The following GRK1 variants were observed in gnomAD, a reference collection of about 807,000 sequenced individuals.
GRK1 encodes G protein-coupled receptor kinase 1.
Under a neutral mutation model 41.7 loss-of-function variants are expected in GRK1, and 28 were observed. That is an observed-to-expected ratio of 0.67 (90% confidence interval 0.50 to 0.92). The LOEUF (loss-of-function observed/expected upper bound fraction) is 0.92. Among genes scored for constraint, GRK1 ranks in the 40% least tolerant of loss-of-function variants. GRK1 has a pLI of 0.00. For missense variants in GRK1, 703 were observed against 671.2 expected (o/e 1.05, Z -0.52); for synonymous variants, 327 against 286.7 (o/e 1.14, Z -1.42).
In GRK1 at chr13:113,733,153, C is replaced by T. The variant is rs561604822; in HGVS notation, c.1396+68C>T. On this transcript the variant is annotated intron_variant, in intron 6 of 6. Coordinates refer to ENST00000335678, the MANE Select transcript of GRK1 (RefSeq NM_002929.3). ...GCTGTGTGGCCCTTGGGTGTCCGCCCGGTCCAGCCTGTGAGAGTCGGCAGG... is the reference window on the plus strand; with the variant it reads ...GCTGTGTGGCCCTTGGGTGTCCGCCTGGTCCAGCCTGTGAGAGTCGGCAGG... 3.5e-5 allele frequency: 51 copies of T among 1,448,804 alleles called. No individual in the cohort carries two copies. The South Asian group carries it at 3.9e-4, about 11-fold the overall frequency. The allele number at this position is 1,448,804 out of a possible 1,614,324, so 89.7% of individuals were successfully genotyped here.
At chr13:113,728,222 G>A (rs868118121) in intron 4 of GRK1, among the ~76,000 whole-genome samples, 2 of 96,756 alleles carry the variant, frequency 2.1e-5, no homozygotes, top group Admixed American at 9.9e-5. Context: ...GCGATGAGGA[G>A]TACCCATGGC....
the GRK1 span, among the ~76,000 whole-genome samples, chr13:113,657,300 G>A: frequency 2.0e-5 from 3 of 152,316 alleles, no homozygotes; most frequent in South Asian, 2.1e-4. Context: ...GCCGCATCCC[G>A]ACGCCCAGGG....
rs765382336 is a variant in GRK1 at position 113,667,527 on chromosome 13, T to C, written c.141T>C (p.Cys47=). The C allele has an allele frequency of 6.2e-7, 1 of 1,613,332 alleles. No individual in the cohort carries two copies. Among genetic ancestry groups the C allele is most frequent in the Non-Finnish European group, 8.5e-7 (1 of 1,179,802 alleles). ...AKLKLPPLSK[C]ESLRDSLSLE... is the part of the protein sequence containing the mutation. The stretch of plus-strand genomic sequence containing the variant: ...TCAAGCTGCCCCCGCTGTCCAAGTG[T>C]GAGTCCCTCCGCGACAGCCTCAGCC... The change falls in exon 1 of 7, where the codon TGT becomes TGC. Residue 47 remains cysteine (C), a synonymous_variant. Transcript: ENST00000335678. The surrounding 1 kb of genome is among the most constrained non-coding windows in gnomAD (Gnocchi z 7.5).
chr13:113,669,300 G>C (rs1307441914), intron 1 of GRK1, among the ~76,000 whole-genome samples: 8 of 152,238 alleles, frequency 5.3e-5, no homozygotes, highest in Admixed American at 5.2e-4. Context: ...GAGGGGGTTT[G>C]GGAGGTGCTG....
chr13:113,653,620 C>T, the GRK1 span, among the ~76,000 whole-genome samples: 2 of 152,222 alleles, frequency 1.3e-5, no homozygotes, highest in Admixed American at 6.5e-5. Flanking sequence ...GCCTGGGTCC[C>T]TGCTGGGAGT....
the GRK1 span, among the ~76,000 whole-genome samples, chr13:113,652,449 G>A: frequency 6.6e-6 from 1 of 152,200 alleles, no homozygotes; most frequent in Non-Finnish European, 1.5e-5. Context: ...GCTCGAGCCT[G>A]GCTCAGGGAT....
At chr13:113,659,226 C>T in the GRK1 span, among the ~76,000 whole-genome samples, 4 of 152,230 alleles carry the variant, frequency 2.6e-5, no homozygotes, top group Non-Finnish European at 5.9e-5. Flanking sequence ...AGACAGGGGT[C>T]CTGGATGGCA....
intron 6 of GRK1, among the ~76,000 whole-genome samples, chr13:113,734,171 C>G (rs2049985185): frequency 7.3e-6 from 1 of 137,064 alleles, no homozygotes; most frequent in Non-Finnish European, 1.6e-5. Flanking sequence ...TGCAGTGTGA[C>G]TAACTTAGGA....
chr13:113,733,551 G>A (rs566655454), intron 6 of GRK1, among the ~76,000 whole-genome samples: 19,350 of 151,290 alleles, frequency 0.13, 1,363 homozygotes, highest in Middle Eastern at 0.22. Flanking sequence ...GCGTGTGCGC[G>A]CACGTGTGTC....
the GRK1 span, among the ~76,000 whole-genome samples, chr13:113,650,727 C>T: frequency 1.1e-4 from 17 of 152,188 alleles, no homozygotes; most frequent in Admixed American, 1.1e-3. The surrounding 1 kb of genome is among the most constrained non-coding windows in gnomAD (Gnocchi z 5.0). Context: ...GTGACCCCTC[C>T]GTGTGCCTCT....
the GRK1 span, chr13:113,650,323 G>T: frequency 7.6e-7 from 1 of 1,309,966 alleles, no homozygotes; most frequent in Non-Finnish European, 1.1e-6. The surrounding 1 kb of genome is among the most constrained non-coding windows in gnomAD (Gnocchi z 5.0). Flanking sequence ...TTTTCTACAT[G>T]AAGGGGCTTA....
chr13:113,649,304 G>A, the GRK1 span: 5 of 1,518,766 alleles, frequency 3.3e-6, no homozygotes, highest in South Asian at 5.0e-5. The surrounding 1 kb of genome is among the most constrained non-coding windows in gnomAD (Gnocchi z 4.7). Context: ...TGACGGGCAA[G>A]GTAAGCCCAA....
At chr13:113,662,069 A>G in the GRK1 span, among the ~76,000 whole-genome samples, 6 of 152,238 alleles carry the variant, frequency 3.9e-5, no homozygotes, top group Admixed American at 3.3e-4. Context: ...TGCAAAAACC[A>G]TAAATAAAAT....
Position 113,731,431 on chromosome 13 carries a change from GCAGA to G in GRK1, c.1194+90_1194+93del. 2 of 1,502,130 alleles carry G rather than the reference GCAGA, an allele frequency of 1.3e-6. No homozygotes were observed. Among genetic ancestry groups the G allele is most frequent in the Non-Finnish European group, 1.8e-6 (2 of 1,124,544 alleles). The allele number at this position is 1,502,130 out of a possible 1,614,324, so 93.1% of individuals were successfully genotyped here. ...GGGCAGTGATGGGATCGTTACTGGG[GCAGA>G]CCTGGGAGTTGTTCTGTGGGCCCTG... On this transcript the variant is annotated intron_variant, in intron 5 of 6. Transcript: ENST00000335678. This position sits in a 1 kb window ranked among gnomAD's most constrained non-coding sequence, Gnocchi z 5.6.
Position 113,671,850 on chromosome 13 carries a change from T to C in GRK1, c.985+194T>C, listed in dbSNP as rs993215889. ...TCACAGGAGTGAGTGCAGGGGTCTGTGGTGCAGAACCAGCTGGGAACGGCG... is the reference window on the plus strand; with the variant it reads ...TCACAGGAGTGAGTGCAGGGGTCTGCGGTGCAGAACCAGCTGGGAACGGCG... On this transcript the variant is annotated intron_variant, in intron 3 of 6. Transcript: ENST00000335678. This position sits in a 1 kb window ranked among gnomAD's most constrained non-coding sequence, Gnocchi z 4.1. Among the ~76,000 whole-genome samples the C allele has an allele frequency of 0.77, 116,899 of 152,012 alleles. 47,008 individuals carry two copies. The highest frequency in any genetic ancestry group is 1 in the East Asian group (5,166 of 5,178).
Position 113,731,050 on chromosome 13 carries a change from C to A in GRK1, c.1070-169C>A. 1 of 523,872 alleles carries A rather than the reference C, an allele frequency of 1.9e-6. No homozygotes were observed. Among genetic ancestry groups the A allele is most frequent in the Non-Finnish European group, 2.4e-6 (1 of 408,508 alleles). 32.5% of individuals were successfully genotyped at this position (523,872 alleles called of 1,614,324 possible). ...AGAGTCTGGGGTGCTGCTTGGCACC[C>A]AGTAACACACAGGGCAGCCCCTCCA... On this transcript the variant is annotated intron_variant, in intron 4 of 6. Transcript: ENST00000335678. This position sits in a 1 kb window ranked among gnomAD's most constrained non-coding sequence, Gnocchi z 5.6.
chr13:113,650,213 T>C, the GRK1 span, among the ~76,000 whole-genome samples: 2 of 151,906 alleles, frequency 1.3e-5, no homozygotes, highest in African/African-American at 4.8e-5. The surrounding 1 kb of genome is among the most constrained non-coding windows in gnomAD (Gnocchi z 5.0). Context: ...TATTTTCATG[T>C]TGCGTGAGAG....
Position 113,731,300 on chromosome 13 carries a change from AGAT to A in GRK1, c.1155_1157del (p.Met385del). ...TTTGCCCTGGGGGTCACCCTGTATG[AGAT>A]GATTGCGGCCAGAGGACCCTTCCGA... On this transcript the variant is annotated inframe_deletion, in exon 5 of 7. Coordinates refer to ENST00000335678, the MANE Select transcript of GRK1 (RefSeq NM_002929.3). The surrounding 1 kb of genome is among the most constrained non-coding windows in gnomAD (Gnocchi z 5.6). 1.3e-6 allele frequency: 2 copies of A among 1,537,038 alleles called. No homozygotes were observed. Among genetic ancestry groups the A allele is most frequent in the Non-Finnish European group, 1.7e-6 (2 of 1,146,856 alleles).
At chr13:113,727,925 G>A (rs1421599085) in intron 4 of GRK1, among the ~76,000 whole-genome samples, 1 of 97,296 alleles carries the variant, frequency 1.0e-5, no homozygotes, top group Non-Finnish European at 2.1e-5. Flanking sequence ...CCATGGCGAT[G>A]AGGAGTACCC....
Sources: allele counts gnomAD v4.1 joint callset (sites outside exome capture counted in the v4.1 genomes callset), GRCh38; gene constraint gnomAD v4.1.1; non-coding constraint Gnocchi (gnomAD v3.1); transcripts MANE v1.5; gene names NCBI Gene and HGNC (gene_info 2026-07-23, HGNC 2026-07-21).